SLC44A1: variants seen among roughly 807,000 people sequenced by gnomAD.
SLC44A1 encodes choline transporter-like protein 1.
In SLC44A1, 26 loss-of-function variants were observed where a neutral mutation model predicts 79.3. That is an observed-to-expected ratio of 0.33 (90% confidence interval 0.24 to 0.46). SLC44A1 has a LOEUF of 0.46. Ranked by LOEUF, SLC44A1 falls within the 20% of genes least tolerant of loss-of-function variation. The pLI is 1.00. For synonymous variants in SLC44A1, 263 were observed against 286.2 expected, an observed-to-expected ratio of 0.92 and a Z score of 0.82; for missense variants, 688 against 798.1, an observed-to-expected ratio of 0.86 and a Z score of 1.66.
intron 5 of SLC44A1, among the ~76,000 whole-genome samples, chr9:105,352,828 A>G (rs1827495892): frequency 6.6e-6 from 1 of 152,220 alleles, no homozygotes; most frequent in Admixed American, 6.5e-5. Flanking sequence ...AACCATTTCA[A>G]TGACTCGATT....
chr9:105,421,607 CAG>C (rs1829250395), intron 15 of SLC44A1, among the ~76,000 whole-genome samples: 1 of 130,432 alleles, frequency 7.7e-6, no homozygotes, highest in African/African-American at 2.9e-5. Flanking sequence ...TTTTTTGAGA[CAG>C]AGTTTCCATC....
At chr9:105,418,314 C>CAAAAAAAAAA (rs10617928) in intron 15 of SLC44A1, among the ~76,000 whole-genome samples, 1 of 57,938 alleles carries the variant, frequency 1.7e-5, no homozygotes, top group Non-Finnish European at 4.0e-5. Flanking sequence ...AACTCCGTCT[C>CAAAAAAAAAA]AAAAAAAAAA....
At chr9:105,308,705 A>T (rs1351787313) in intron 2 of SLC44A1, among the ~76,000 whole-genome samples, 1 of 152,236 alleles carries the variant, frequency 6.6e-6, no homozygotes, top group African/African-American at 2.4e-5. Flanking sequence ...TACTCGTGAT[A>T]CTTGGCTGTG....
intron 4 of SLC44A1, among the ~76,000 whole-genome samples, chr9:105,340,099 G>A (rs1004889576): frequency 2.0e-5 from 3 of 152,174 alleles, no homozygotes; most frequent in African/African-American, 7.2e-5. Context: ...AGATGAAAAA[G>A]TTCTAAAAAT....
chr9:105,329,006 C>T (rs1826667677), intron 3 of SLC44A1, among the ~76,000 whole-genome samples: 2 of 152,170 alleles, frequency 1.3e-5, no homozygotes, highest in African/African-American at 4.8e-5. Flanking sequence ...CTGGACTTGC[C>T]TTGCTGGTAC....
At chr9:105,412,561 A>G (rs1018694368) in intron 15 of SLC44A1, among the ~76,000 whole-genome samples, 4 of 152,202 alleles carry the variant, frequency 2.6e-5, no homozygotes, top group Non-Finnish European at 5.9e-5. Context: ...CTATTTGATA[A>G]TAGCGACCAC....
chr9:105,314,451 A>G (rs1831265438), intron 3 of SLC44A1, among the ~76,000 whole-genome samples: 1 of 152,244 alleles, frequency 6.6e-6, no homozygotes, highest in Non-Finnish European at 1.5e-5. Context: ...GTCCTAACAC[A>G]GAGCTTAGTG....
At position 105,299,271 on chromosome 9, in the gene SLC44A1, C is replaced by T. The variant is rs140552103; in HGVS notation, c.88C>T (p.Pro30Ser). The change falls in exon 2 of 16, where the codon CCA becomes TCA. Residue 30 changes from proline to serine, a missense_variant. Pro to Ser is a moderately conservative substitution (Grantham distance 74). Coordinates refer to ENST00000374720, the MANE Select transcript of SLC44A1 (RefSeq NM_080546.5). Reference sequence around the variant, plus strand: ...GGAGGACCGTAGCTGCACAGACATACCATGGCTGCTGCTCTTCATCCTCTT... The same window carrying T: ...GGAGGACCGTAGCTGCACAGACATATCATGGCTGCTGCTCTTCATCCTCTT... ...PLEDRSCTDI[P>S]WLLLFILFCI... 8.8e-6 allele frequency: 14 copies of T among 1,597,170 alleles called. No homozygotes were observed. In the African/African-American group the frequency reaches 1.9e-4, roughly 22 times the overall value.
intron 1 of SLC44A1, among the ~76,000 whole-genome samples, chr9:105,274,068 A>G (rs1474846222): frequency 6.6e-6 from 1 of 152,168 alleles, no homozygotes; most frequent in Non-Finnish European, 1.5e-5. Context: ...TAGAGGGAAA[A>G]GTAGTGAATA....
intron 1 of SLC44A1, among the ~76,000 whole-genome samples, chr9:105,286,964 T>TA (rs1205094171): frequency 2.6e-5 from 4 of 151,986 alleles, no homozygotes; most frequent in Non-Finnish European, 5.9e-5. Flanking sequence ...ATTCTCTCTT[T>TA]AAAAAATAAA....
chr9:105,252,098 AG>A (rs1829602234), intron 1 of SLC44A1, among the ~76,000 whole-genome samples: 1 of 152,166 alleles, frequency 6.6e-6, no homozygotes, highest in African/African-American at 2.4e-5. Flanking sequence ...TTCATTCACA[AG>A]GTTTTATTGG....
intron 3 of SLC44A1, among the ~76,000 whole-genome samples, chr9:105,322,159 G>T (rs761071812): frequency 6.6e-6 from 1 of 152,224 alleles, no homozygotes; most frequent in African/African-American, 2.4e-5. Flanking sequence ...GCTAAGTGTA[G>T]TTACTGACAT....
At chr9:105,308,183 T>C (rs1831082699) in intron 2 of SLC44A1, among the ~76,000 whole-genome samples, 1 of 152,236 alleles carries the variant, frequency 6.6e-6, no homozygotes, top group Admixed American at 6.5e-5. Context: ...ATTCCATTGA[T>C]CAACACAGGC....
intron 5 of SLC44A1, among the ~76,000 whole-genome samples, chr9:105,351,554 A>AAGAG (rs200116554): frequency 8.5e-6 from 1 of 117,106 alleles, no homozygotes; most frequent in Non-Finnish European, 1.7e-5. Flanking sequence ...GAAAGAAAGA[A>AAGAG]AGAGAGAAAG....
In SLC44A1 at chr9:105,391,128, A is replaced by G. The variant is rs1433452557; in HGVS notation, c.*2072A>G. ...ACAGAAGACATTCCAGGAGCTAGCA[A>G]TTTTAAGAGGTGTCCCTCCAAAGTG... On this transcript the variant is annotated 3_prime_UTR_variant, in exon 16 of 16. Coordinates refer to ENST00000374720, the MANE Select transcript of SLC44A1 (RefSeq NM_080546.5). 3 of 985,628 alleles carry G rather than the reference A, an allele frequency of 3.0e-6. No homozygotes were observed. Among genetic ancestry groups the G allele is most frequent in the Admixed American group, 6.2e-5 (1 of 16,242 alleles). 61.1% of individuals were successfully genotyped at this position (985,628 alleles called of 1,614,324 possible).
At chr9:105,380,189 G>A (rs1202033395) in intron 13 of SLC44A1, among the ~76,000 whole-genome samples, 1 of 152,142 alleles carries the variant, frequency 6.6e-6, no homozygotes, top group Non-Finnish European at 1.5e-5. Flanking sequence ...AAATGAACTT[G>A]CTTAGAGTTA....
At chr9:105,306,751 C>T (rs1040359581) in intron 2 of SLC44A1, among the ~76,000 whole-genome samples, 10 of 152,126 alleles carry the variant, frequency 6.6e-5, no homozygotes, top group African/African-American at 2.4e-4. Context: ...ACATGTCCAA[C>T]AGTACAGTTA....
rs1328284221 is a variant in SLC44A1 at position 105,383,292 on chromosome 9, T to C, written c.1802T>C (p.Phe601Ser). The change falls in exon 14 of 16, where the codon TTT (phenylalanine) becomes TCT (serine). Residue 601 changes from phenylalanine (F) to serine (S), a missense_variant. Coordinates refer to ENST00000374720, the MANE Select transcript of SLC44A1 (RefSeq NM_080546.5). The part of the protein sequence containing the change: ...EMVVDVLFLC[F>S]AIDTKYNDGS... ...GTAGTGGATGTATTATTCTTGTGTT[T>C]TGCCATTGATACAAAATACAATGAT... The C allele has an allele frequency of 6.2e-7, 1 of 1,614,022 alleles. No homozygotes were observed. Among genetic ancestry groups the C allele is most frequent in the Non-Finnish European group, 8.5e-7 (1 of 1,179,872 alleles).
chr9:105,272,597 C>T (rs7868345), intron 1 of SLC44A1, among the ~76,000 whole-genome samples: 6,257 of 149,812 alleles, frequency 0.042, 431 homozygotes, highest in African/African-American at 0.14. Context: ...ATTCTCTTTA[C>T]AGGTGAAAAA....
Sources: gnomAD v4.1 joint callset for allele counts (sites outside exome capture counted in the v4.1 genomes callset) on GRCh38, gnomAD v4.1.1 for gene constraint, MANE v1.5 for transcripts, NCBI Gene and HGNC (gene_info 2026-07-23, HGNC 2026-07-21) for gene names.